The following DNAH9 variants were observed in gnomAD, a reference collection of about 807,000 sequenced individuals.
DNAH9 encodes dynein axonemal heavy chain 9.
DNAH9 carries 345 observed loss-of-function variants against 471.6 expected under a neutral mutation model. The ratio of observed to expected loss-of-function variants is 0.73; its 90% CI spans 0.67 to 0.80. The LOEUF is 0.80. DNAH9 is among the 30% of genes least tolerant of loss of function. DNAH9 has a pLI of 0.00. For missense variants in DNAH9, 5,407 were observed against 5,609.2 expected (o/e 0.96, Z 1.15); for synonymous variants, 2,093 against 2,123.6 (o/e 0.99, Z 0.40).
At chr17:11,794,258 G>A (rs1393710433) in intron 42 of DNAH9, among the ~76,000 whole-genome samples, 1 of 151,744 alleles carries the variant, frequency 6.6e-6, no homozygotes, top group Non-Finnish European at 1.5e-5. Context: ...TTCACCGAGG[G>A]TTTCACCAAG....
At position 11,847,841 on chromosome 17, in the gene DNAH9, T is replaced by A. The variant is rs77982352; in HGVS notation, c.9508-6162T>A. 9.0e-3 allele frequency among the ~76,000 whole-genome samples: 1,364 copies of A among 152,274 alleles called. 22 individuals carry two copies. The highest frequency in any genetic ancestry group is 0.031 in the African/African-American group (1,298 of 41,544). ...TTGCCCTCTAGGTTTTTGTGACCTT[T>A]GGCCATGCTGAGTATCAGAAGGTCA... is the stretch of plus-strand genomic sequence containing the variant. On this transcript the variant is annotated intron_variant, in intron 49 of 68. Transcript: ENST00000262442.
intron 56 of DNAH9, among the ~76,000 whole-genome samples, chr17:11,886,544 C>G (rs1054901086): frequency 4.2e-5 from 5 of 120,178 alleles, no homozygotes; most frequent in African/African-American, 1.6e-4. Flanking sequence ...TGAAATCTTT[C>G]TCATTAGAGA....
chr17:11,922,889 T>C (rs944748732), intron 61 of DNAH9, among the ~76,000 whole-genome samples: 4 of 152,128 alleles, frequency 2.6e-5, no homozygotes, highest in African/African-American at 9.7e-5. Context: ...ACCCATATGC[T>C]TGCTACTCTC....
Position 11,689,756 on chromosome 17 carries a change from G to C in DNAH9, c.3934G>C (p.Val1312Leu). Residue 1312 changes from valine to leucine, a missense_variant, in exon 20 of 69, where the codon GTG becomes CTG. Physicochemically the swap from Val to Leu is conservative, Grantham distance 32. Around this residue, in one of 3 missense-constraint regions of DNAH9, gnomAD observed 4,636 missense variants for 4,900.3 expected, o/e 0.95. Transcript: ENST00000262442. Reference protein sequence around the residue: ...LKELWDTIGMVTSSIHAWETT... With the variant: ...LKELWDTIGMLTSSIHAWETT... The stretch of plus-strand genomic sequence containing the variant: ...GGAGCTCTGGGACACCATTGGAATG[G>C]TGACCTCCAGCATCCATGCCTGGGA... 1 of 1,614,222 alleles carries C rather than the reference G, an allele frequency of 6.2e-7. No homozygotes were observed. The highest frequency in any genetic ancestry group is 2.2e-5 in the East Asian group (1 of 44,878).
At chr17:11,946,663 C>CAAAAAAA (rs754149437) in intron 67 of DNAH9, among the ~76,000 whole-genome samples, 4 of 67,838 alleles carry the variant, frequency 5.9e-5, no homozygotes, top group East Asian at 4.9e-4. Context: ...GACTCCATCT[C>CAAAAAAA]AAAAAAAAAA....
intron 62 of DNAH9, among the ~76,000 whole-genome samples, chr17:11,924,967 C>G (rs1974269608): frequency 6.6e-6 from 1 of 152,150 alleles, no homozygotes; most frequent in African/African-American, 2.4e-5. Context: ...GTAGACAAAA[C>G]CTTTTCAAAT....
chr17:11,771,389 A>G (rs906964160), intron 38 of DNAH9, among the ~76,000 whole-genome samples: 1 of 152,182 alleles, frequency 6.6e-6, no homozygotes, highest in African/African-American at 2.4e-5. Flanking sequence ...TCGGCCTCCC[A>G]AAGTGCTGGG....
chr17:11,842,385 T>A (rs113255935), intron 49 of DNAH9, among the ~76,000 whole-genome samples: 1 of 152,200 alleles, frequency 6.6e-6, no homozygotes, highest in East Asian at 1.9e-4. Flanking sequence ...AGTCACTGTA[T>A]TAGTCAGGTT....
At chr17:11,662,411 C>G (rs568300404) in intron 14 of DNAH9, among the ~76,000 whole-genome samples, 3 of 152,100 alleles carry the variant, frequency 2.0e-5, no homozygotes, top group Non-Finnish European at 4.4e-5. Context: ...GAGTCTATTT[C>G]TTTTCTCTTT....
intron 50 of DNAH9, among the ~76,000 whole-genome samples, chr17:11,864,212 G>A (rs1192343646): frequency 7.0e-6 from 1 of 142,692 alleles, no homozygotes; most frequent in Non-Finnish European, 1.5e-5. Flanking sequence ...AGAGATTCTG[G>A]TATGTTGTGT....
At chr17:11,899,177 AT>A (rs147745289) in intron 59 of DNAH9, among the ~76,000 whole-genome samples, 1 of 126,122 alleles carries the variant, frequency 7.9e-6, no homozygotes, top group Non-Finnish European at 1.8e-5. Context: ...ATAGGACATG[AT>A]TTTTTAAAAA....
At chr17:11,878,179 C>G (rs1597780055) in intron 53 of DNAH9, among the ~76,000 whole-genome samples, 1 of 152,144 alleles carries the variant, frequency 6.6e-6, no homozygotes, top group South Asian at 2.1e-4. Flanking sequence ...TTGCAGTGTC[C>G]CTAGTGTCTA....
intron 49 of DNAH9, among the ~76,000 whole-genome samples, chr17:11,852,110 G>C (rs969211515): frequency 6.6e-6 from 1 of 152,134 alleles, no homozygotes; most frequent in African/African-American, 2.4e-5. Flanking sequence ...GAAATCCATT[G>C]CAAGAATGAA....
intron 27 of DNAH9, among the ~76,000 whole-genome samples, chr17:11,721,243 G>A (rs868645474): frequency 6.6e-5 from 10 of 152,138 alleles, no homozygotes; most frequent in Middle Eastern, 3.4e-3. Context: ...GGTGAACGGG[G>A]GAGTCTATCT....
intron 26 of DNAH9, among the ~76,000 whole-genome samples, chr17:11,715,326 G>A (rs1215469531): frequency 6.6e-6 from 1 of 152,160 alleles, no homozygotes; most frequent in Admixed American, 6.5e-5. Context: ...TGGTGGGGCA[G>A]ATAAGAACAA....
chr17:11,795,725 C>T (rs967398035), intron 42 of DNAH9, among the ~76,000 whole-genome samples: 2 of 152,200 alleles, frequency 1.3e-5, no homozygotes, highest in Admixed American at 1.3e-4. Context: ...ATGGTCTTTA[C>T]AAGTCGGTCT....
At chr17:11,870,388 C>T (rs1270778324) in intron 51 of DNAH9, among the ~76,000 whole-genome samples, 1 of 152,224 alleles carries the variant, frequency 6.6e-6, no homozygotes, top group Non-Finnish European at 1.5e-5. Context: ...CAGCACCCTC[C>T]TCACCAGTGA....
chr17:11,913,134 C>T (rs1323256382), intron 61 of DNAH9, among the ~76,000 whole-genome samples: 3 of 152,148 alleles, frequency 2.0e-5, no homozygotes, highest in African/African-American at 7.2e-5. Flanking sequence ...CACCACTGCA[C>T]TCCAGCCTGG....
intron 62 of DNAH9, among the ~76,000 whole-genome samples, chr17:11,929,351 TGTG>T (rs1447975597): frequency 6.6e-6 from 1 of 152,122 alleles, no homozygotes; most frequent in Non-Finnish European, 1.5e-5. Context: ...ACTCTTAAAT[TGTG>T]GTCTCCAGAC....
Sources: gnomAD v4.1 joint callset for allele counts (sites outside exome capture counted in the v4.1 genomes callset) on GRCh38, gnomAD v4.1.1 for gene constraint, gnomAD v4.1.1 regional missense constraint, MANE v1.5 for transcripts, NCBI Gene and HGNC (gene_info 2026-07-23, HGNC 2026-07-21) for gene names.